PIGQ: variants seen among roughly 807,000 people sequenced by gnomAD.
PIGQ encodes the protein phosphatidylinositol glycan anchor biosynthesis class Q, also known as phosphatidylinositol N-acetylglucosaminyltransferase subunit Q.
In PIGQ, 54 loss-of-function variants were observed where a neutral mutation model predicts 60.3. That is an observed-to-expected ratio of 0.90 (90% CI 0.72 to 1.12). The LOEUF is 1.12. Ranked by LOEUF, PIGQ falls within the 50% of genes most tolerant of loss-of-function variation. The pLI is 0.00. For synonymous variants in PIGQ, 416 were observed against 363.7 expected, an observed-to-expected ratio of 1.14 and a Z score of -1.64; for missense variants, 799 against 793.5, an observed-to-expected ratio of 1.01 and a Z score of -0.08.
rs1431747124 is a variant in PIGQ, at chr16:575,820, C to G, written c.690-19C>G. ...AGGATCTGGAGAGGGACACATCACTCCTCTCCACTCCCACGCAGAGTGTTC... is the reference window on the plus strand; with the variant it reads ...AGGATCTGGAGAGGGACACATCACTGCTCTCCACTCCCACGCAGAGTGTTC... On this transcript the variant is annotated intron_variant, in intron 2 of 10. Coordinates refer to ENST00000321878, the MANE Select transcript of PIGQ (RefSeq NM_004204.5). 1 of 1,553,086 alleles carries G rather than the reference C, an allele frequency of 6.4e-7. No individual in the cohort carries two copies. Among genetic ancestry groups the G allele is most frequent in the Non-Finnish European group, 8.7e-7 (1 of 1,149,198 alleles).
At chr16:576,446 C>T (rs893674149) in intron 4 of PIGQ, 192 bp downstream of exon 4, 84 of 662,600 alleles carry the variant, frequency 1.3e-4, no homozygotes, top group Middle Eastern at 4.2e-4. Flanking sequence ...GGGCAGGCCT[C>T]GCAGGTACAC....
At position 576,183 on chromosome 16, in the gene PIGQ, A is replaced by T; in HGVS notation, c.871A>T (p.Met291Leu). 6.5e-7 allele frequency: 1 copy of T among 1,549,916 alleles called. No homozygotes were observed. Among genetic ancestry groups the T allele is most frequent in the Non-Finnish European group, 8.7e-7 (1 of 1,146,996 alleles). Residue 291 changes from methionine (M) to leucine (L), a missense_variant, in exon 4 of 11, where the codon ATG (methionine) becomes TTG (leucine). Met to Leu is a conservative substitution (Grantham distance 15). Transcript: ENST00000321878. ...GCTGCTGGACGTGGCCCTGGGCCTCATGCTGCTGTCCTGGCTCCACGGGAG... is the reference window on the plus strand; with the variant it reads ...GCTGCTGGACGTGGCCCTGGGCCTCTTGCTGCTGTCCTGGCTCCACGGGAG... ...SVLLDVALGLMLLSWLHGRSR... is the reference protein window; with the variant it reads ...SVLLDVALGLLLLSWLHGRSR...
rs765334295 is a variant in PIGQ at position 578,986 on chromosome 16, G to T, written c.1223+48G>T. On this transcript the variant is annotated intron_variant, in intron 6 of 10. Coordinates refer to ENST00000321878, the MANE Select transcript of PIGQ (RefSeq NM_004204.5). ...CCACCGCCCCCTGGGAGGTGCAGAG[G>T]CTCCGGCTGGGCGGGCGTTCGAGTG... 1.9e-6 allele frequency: 3 copies of T among 1,558,682 alleles called. No homozygotes were observed. The Middle Eastern group carries it at 5.1e-4, about 263-fold the overall frequency.
chr16:571,992 A>C (rs960690304), intron 1 of PIGQ, among the ~76,000 whole-genome samples: 1 of 152,170 alleles, frequency 6.6e-6, no homozygotes, highest in Non-Finnish European at 1.5e-5. Context: ...ATTTACCCAA[A>C]GTGAGCCCAC....
chr16:582,823 T>A, intron 10 of PIGQ, 60 bp from the exon 11 acceptor site: 33 of 1,464,026 alleles, frequency 2.3e-5, no homozygotes, highest in Non-Finnish European at 2.7e-5. Flanking sequence ...CCCCACCCTC[T>A]CTCTGCAGAC....
chr16:574,755 T>G lies in PIGQ; in HGVS notation c.681T>G (p.Ser227Arg). The change falls in exon 2 of 11, where the codon AGT becomes AGG. Residue 227 changes from serine to arginine, a missense_variant. Coordinates refer to ENST00000321878, the MANE Select transcript of PIGQ (RefSeq NM_004204.5). ...TGCTGTCGCTGGTCTCAGCTGTCAG[T>G]GCCTGCCGGTAGGTGTCCCGGGACA... is the stretch of plus-strand genomic sequence containing the variant. The part of the protein sequence containing the change: ...ASLLSLVSAV[S>R]ACRVFKLWPL... The G allele has an allele frequency of 6.4e-7, 1 of 1,568,688 alleles. No homozygotes were observed. The highest frequency in any genetic ancestry group is 8.6e-7 in the Non-Finnish European group (1 of 1,162,090).
chr16:573,921 C>A (rs560660423), intron 1 of PIGQ, 145 bp from the exon 2 acceptor site: 2 of 615,054 alleles, frequency 3.3e-6, no homozygotes, highest in Admixed American at 2.9e-5. Context: ...AGGAGCCCTA[C>A]GGCGTCCACC....
At chr16:573,868 G>A (rs988668426) in intron 1 of PIGQ, among the ~76,000 whole-genome samples, 198 bp from the exon 2 acceptor site, 3 of 152,146 alleles carry the variant, frequency 2.0e-5, no homozygotes, top group Admixed American at 6.5e-5. Flanking sequence ...CCAGCACTCT[G>A]GCTGCCCCTT....
Position 582,905 on chromosome 16 carries a change from G to A in PIGQ, c.1616G>A (p.Arg539His), listed in dbSNP as rs201105616. Residue 539 changes from arginine to histidine, a missense_variant, in exon 11 of 11, where the codon CGC (arginine) becomes CAC (histidine). Physicochemically the swap from Arg to His is conservative, Grantham distance 29 (BLOSUM62 0). Coordinates refer to ENST00000321878, the MANE Select transcript of PIGQ (RefSeq NM_004204.5). Reference sequence around the variant, plus strand: ...CAGATAAACCCACTGCCCTACAGCCGCGTGGTGCACACCTACCGCCTCCCC... The same window carrying A: ...CAGATAAACCCACTGCCCTACAGCCACGTGGTGCACACCTACCGCCTCCCC... ...LMQINPLPYS[R>H]VVHTYRLPSC... 45 of 1,608,440 alleles carry A rather than the reference G, an allele frequency of 2.8e-5. No individual in the cohort carries two copies. The highest frequency in any genetic ancestry group is 3.2e-5 in the Non-Finnish European group (38 of 1,177,192).
At chr16:578,317 G>T in intron 4 of PIGQ, 62 bp from the exon 5 acceptor site, 2 of 1,555,118 alleles carry the variant, frequency 1.3e-6, no homozygotes, top group East Asian at 2.3e-5. Context: ...GAAAGAGCCT[G>T]GGGAGATGCA....
intron 2 of PIGQ, among the ~76,000 whole-genome samples, chr16:575,491 C>T (rs2035701810): frequency 6.6e-6 from 1 of 152,156 alleles, no homozygotes; most frequent in South Asian, 2.1e-4. Flanking sequence ...CCCAGGAGAC[C>T]CCGGGCAGCT....
At position 583,365 on chromosome 16, in the gene PIGQ, C is replaced by T. The variant is rs950907438; in HGVS notation, c.*330C>T. The T allele has an allele frequency of 6.2e-7, 1 of 1,612,582 alleles. No homozygotes were observed. The highest frequency in any genetic ancestry group is 8.5e-7 in the Non-Finnish European group (1 of 1,179,798). Reference sequence around the variant, plus strand: ...CATGCCCACCCTGTGTACCCAGGTCCAGAGGGTCCGTCCACCACAGCAGCC... The same window carrying T: ...CATGCCCACCCTGTGTACCCAGGTCTAGAGGGTCCGTCCACCACAGCAGCC... On this transcript the variant is annotated 3_prime_UTR_variant, in exon 11 of 11. Coordinates refer to ENST00000321878, the MANE Select transcript of PIGQ (RefSeq NM_004204.5).
intron 8 of PIGQ, 24 bp downstream of exon 8, chr16:580,287 G>A: frequency 2.5e-6 from 4 of 1,572,278 alleles, no homozygotes; most frequent in African/African-American, 2.7e-5. Flanking sequence ...CCACAGGCTG[G>A]GCCTGGCTGC....
intron 2 of PIGQ, among the ~76,000 whole-genome samples, chr16:575,424 C>A (rs1340924315): frequency 6.6e-6 from 1 of 152,212 alleles, no homozygotes; most frequent in African/African-American, 2.4e-5. Context: ...GCAGTTGCCC[C>A]CTGCCTTAGA....
At chr16:576,341 G>GC (rs1372445611) in intron 4 of PIGQ, 87 bp downstream of exon 4, 8 of 1,408,230 alleles carry the variant, frequency 5.7e-6, no homozygotes, top group South Asian at 5.5e-5. Flanking sequence ...CAGAGCCACC[G>GC]CCCCACAAAG....
intron 2 of PIGQ, 120 bp from the exon 3 acceptor site, chr16:575,719 T>G (rs1277749327): frequency 1.8e-6 from 2 of 1,110,064 alleles, no homozygotes; most frequent in African/African-American, 3.1e-5. Flanking sequence ...CCCTCCCACC[T>G]GCCCCCTGTC....
At position 575,968 on chromosome 16, in the gene PIGQ, G is replaced by A. The variant is rs746245143; in HGVS notation, c.819G>A (p.Met273Ile). 2.5e-6 allele frequency: 4 copies of A among 1,583,180 alleles called. No individual in the cohort carries two copies. ...AGGCGGAGAACCCTGCCCAGCTGAT[G>A]AGGTGTGGGCCTGCCCTGGTCTCTG... Reference protein sequence around the residue: ...TRKAENPAQLMRKANTVASVL... With the variant: ...TRKAENPAQLIRKANTVASVL... The change falls in exon 3 of 11, where the codon ATG (methionine) becomes ATA (isoleucine). Residue 273 changes from methionine to isoleucine, a missense_variant and splice_region_variant. Met to Ile is a conservative substitution (Grantham distance 10). Transcript: ENST00000321878.
intron 2 of PIGQ, among the ~76,000 whole-genome samples, 162 bp from the exon 3 acceptor site, chr16:575,677 C>T (rs945004889): frequency 1.1e-4 from 16 of 152,278 alleles, no homozygotes; most frequent in African/African-American, 2.9e-4. Flanking sequence ...GCGCGTTGAG[C>T]GCTGCCTACC....
chr16:583,242 C>T lies in PIGQ; in HGVS notation c.*207C>T. The stretch of plus-strand genomic sequence containing the variant: ...GGGGTGGCCAGCCAGGCTGGCCGCA[C>T]TCCATCACTGGCACTGCCTGCCTTG... On this transcript the variant is annotated 3_prime_UTR_variant, in exon 11 of 11. Coordinates refer to ENST00000321878, the MANE Select transcript of PIGQ (RefSeq NM_004204.5). 1 of 1,612,980 alleles carries T rather than the reference C, an allele frequency of 6.2e-7. No individual in the cohort carries two copies.
Sources: gnomAD v4.1 joint callset for allele counts (sites outside exome capture counted in the v4.1 genomes callset) on GRCh38, gnomAD v4.1.1 for gene constraint, MANE v1.5 for transcripts, NCBI Gene and HGNC (gene_info 2026-07-23, HGNC 2026-07-21) for gene names.